SYT6: variants seen among roughly 807,000 people sequenced by gnomAD.
SYT6 encodes synaptotagmin-6.
Under a neutral mutation model 38.4 loss-of-function variants are expected in SYT6, and 24 were observed. The observed-to-expected ratio is 0.62, with a 90% CI of 0.45 to 0.88. The LOEUF is 0.88. SYT6 is among the 40% of genes least tolerant of loss of function. SYT6 has a pLI of 0.00. For missense variants in SYT6, 611 were observed against 621.0 expected, an observed-to-expected ratio of 0.98 and a Z score of 0.17; for synonymous variants, 265 against 241.9, an observed-to-expected ratio of 1.10 and a Z score of -0.89.
chr1:114,096,194 C>T (rs1675631348), intron 6 of SYT6, among the ~76,000 whole-genome samples: 1 of 152,100 alleles, frequency 6.6e-6, no homozygotes, highest in South Asian at 2.1e-4. Context: ...TGCAGGTTGT[C>T]TAGCGTTCTG....
intron 3 of SYT6, among the ~76,000 whole-genome samples, chr1:114,113,949 TC>T (rs570296485): frequency 1.3e-5 from 2 of 152,136 alleles, no homozygotes; most frequent in Non-Finnish European, 2.9e-5. Flanking sequence ...CTCTTCAGCC[TC>T]CCCCCGTGCC....
intron 3 of SYT6, among the ~76,000 whole-genome samples, chr1:114,105,939 G>A (rs1358400629): frequency 6.6e-6 from 1 of 152,170 alleles, no homozygotes; most frequent in Non-Finnish European, 1.5e-5. Flanking sequence ...TTTGTGGAGA[G>A]TATGCAGTCC....
chr1:114,153,863 C>T lies in SYT6; in HGVS notation c.-91G>A, dbSNP rs1020786220. 28 of 551,894 alleles carry T rather than the reference C, an allele frequency of 5.1e-5. No individual in the cohort carries two copies. Among genetic ancestry groups the T allele is most frequent in the Non-Finnish European group, 7.9e-5 (25 of 318,052 alleles). The allele number at this position is 551,894 out of a possible 1,614,324, so 34.2% of individuals were successfully genotyped here. Reference sequence around the variant, plus strand: ...CACGACGGCCCCAAGAAGACCCTCCCTGCAGCGGCCCCCTGCGGCTCCGCT... The same window carrying T: ...CACGACGGCCCCAAGAAGACCCTCCTTGCAGCGGCCCCCTGCGGCTCCGCT... On this transcript the variant is annotated 5_prime_UTR_variant, in exon 1 of 8. Transcript: ENST00000610222.
At chr1:114,101,938 C>T (rs1267511228) in intron 4 of SYT6, among the ~76,000 whole-genome samples, 1 of 152,186 alleles carries the variant, frequency 6.6e-6, no homozygotes, top group Non-Finnish European at 1.5e-5. Flanking sequence ...TCTTCGGAAT[C>T]AAGCCAAGGT....
chr1:114,092,083 C>G lies in SYT6; in HGVS notation c.*52-1G>C. 6.5e-7 allele frequency: 1 copy of G among 1,536,236 alleles called. No individual in the cohort carries two copies. Among genetic ancestry groups the G allele is most frequent in the Non-Finnish European group, 8.7e-7 (1 of 1,146,876 alleles). ...CGAAGCTAGCAGCTCGGCCCTGCCA[C>G]TGCAAAGAGGAGAACAATCTGTTTA... On this transcript the variant is annotated splice_acceptor_variant, in intron 7 of 7. Coordinates refer to ENST00000610222, the MANE Select transcript of SYT6 (RefSeq NM_001253772.2). LOFTEE classifies it low-confidence loss of function (3UTR_SPLICE).
At chr1:114,125,051 G>C (rs796418596) in intron 3 of SYT6, among the ~76,000 whole-genome samples, 1 of 152,206 alleles carries the variant, frequency 6.6e-6, no homozygotes, top group Non-Finnish European at 1.5e-5. Context: ...TGTCATCTGA[G>C]GCCTGTTTTT....
intron 1 of SYT6, among the ~76,000 whole-genome samples, chr1:114,149,688 G>A (rs1470369390): frequency 1.3e-5 from 2 of 151,994 alleles, no homozygotes; most frequent in Non-Finnish European, 2.9e-5. Context: ...AGGGGTCAGG[G>A]CATGTGGCCC....
In SYT6 at chr1:114,091,768, C is replaced by A; in HGVS notation, c.*366G>T. The A allele has an allele frequency of 5.7e-6, 2 of 349,692 alleles. No homozygotes were observed. The highest frequency in any genetic ancestry group is 5.1e-6 in the Non-Finnish European group (1 of 196,614). The allele number at this position is 349,692 out of a possible 1,614,324, so 21.7% of individuals were successfully genotyped here. A position where few individuals can be genotyped will look rare whatever the true frequency, so the allele number is the denominator to read the frequency against. The stretch of plus-strand genomic sequence containing the variant: ...CTCTTTTTTTTTTTCCCTTTTCTTA[C>A]CAGCAGACCCATAAAAAGTGAAAAA... On this transcript the variant is annotated 3_prime_UTR_variant, in exon 8 of 8. Coordinates refer to ENST00000610222, the MANE Select transcript of SYT6 (RefSeq NM_001253772.2).
chr1:114,095,053 C>T (rs963025965), intron 6 of SYT6, among the ~76,000 whole-genome samples: 2 of 152,204 alleles, frequency 1.3e-5, no homozygotes, highest in East Asian at 1.9e-4. Flanking sequence ...GTTGCTGAGA[C>T]GAGTGTCATT....
rs184017653 is a variant in SYT6, at chr1:114,095,319, A to T, written c.1516-1516T>A. Among the ~76,000 whole-genome samples the T allele has an allele frequency of 5.9e-5, 9 of 152,360 alleles. No individual in the cohort carries two copies. The East Asian group carries it at 1.7e-3, about 29-fold the overall frequency. On this transcript the variant is annotated intron_variant, in intron 6 of 7. Coordinates refer to ENST00000610222, the MANE Select transcript of SYT6 (RefSeq NM_001253772.2). Reference sequence around the variant, plus strand: ...AACCAGTGAGTTAGAGTTCTCAAAGAAACAGGGACTTGGAATCAATTATTT... The same window carrying T: ...AACCAGTGAGTTAGAGTTCTCAAAGTAACAGGGACTTGGAATCAATTATTT...
chr1:114,118,138 T>A (rs1477667661), intron 3 of SYT6, among the ~76,000 whole-genome samples: 1 of 152,132 alleles, frequency 6.6e-6, no homozygotes, highest in East Asian at 1.9e-4. Flanking sequence ...CCCAGAGATT[T>A]CCCAGGAAGT....
intron 3 of SYT6, among the ~76,000 whole-genome samples, chr1:114,135,212 C>T (rs144692192): frequency 6.6e-6 from 1 of 152,104 alleles, no homozygotes; most frequent in South Asian, 2.1e-4. Flanking sequence ...GAATGCTCCC[C>T]CTTCCTCTTG....
intron 2 of SYT6, 80 bp downstream of exon 2, chr1:114,139,535 C>G: frequency 4.5e-6 from 7 of 1,560,862 alleles, no homozygotes; most frequent in Non-Finnish European, 6.1e-6. Context: ...GTCTGTGATC[C>G]CCACAGGCTG....
rs536113310 is a variant in SYT6, at chr1:114,148,645, C to A, written c.163+4965G>T. Among the ~76,000 whole-genome samples, 10 of 152,210 alleles carry A rather than the reference C, an allele frequency of 6.6e-5. No homozygotes were observed. The East Asian group carries it at 1.7e-3, about 26-fold the overall frequency. ...GAAGAGAAGAGATTCTGGGCAGAAC[C>A]ACTCATAAAATACTAATAATATCAT... On this transcript the variant is annotated intron_variant, in intron 1 of 7. Transcript: ENST00000610222.
At chr1:114,131,980 C>G (rs528882852) in intron 3 of SYT6, among the ~76,000 whole-genome samples, 2 of 152,374 alleles carry the variant, frequency 1.3e-5, no homozygotes, top group South Asian at 4.1e-4. Flanking sequence ...AACAATGTAA[C>G]CATGCTTCCC....
At chr1:114,140,842 C>T (rs1369834633) in intron 1 of SYT6, among the ~76,000 whole-genome samples, 2 of 152,190 alleles carry the variant, frequency 1.3e-5, no homozygotes, top group Non-Finnish European at 2.9e-5. Flanking sequence ...TTTGTTAATT[C>T]TCACATTATT....
Position 114,095,573 on chromosome 1 carries a change from C to T in SYT6, c.1516-1770G>A, listed in dbSNP as rs193071180. Among the ~76,000 whole-genome samples, 218 of 152,290 alleles carry T rather than the reference C, an allele frequency of 1.4e-3. 2 individuals carry two copies. Among genetic ancestry groups the T allele is most frequent in the Admixed American group, 2.8e-3 (43 of 15,302 alleles). ...CACGGGCCCAGCCATTGCTTAGGGT[C>T]AGAGTTTCCTAGAAAAGCAAAGATG... On this transcript the variant is annotated intron_variant, in intron 6 of 7. Coordinates refer to ENST00000610222, the MANE Select transcript of SYT6 (RefSeq NM_001253772.2).
intron 2 of SYT6, among the ~76,000 whole-genome samples, chr1:114,139,406 G>A (rs17534892): frequency 0.19 from 28,884 of 151,950 alleles, 2,952 homozygotes; most frequent in Middle Eastern, 0.23. Flanking sequence ...ACAGCAACCC[G>A]CCTCAAAGGT....
rs527612422 is a variant in SYT6 at position 114,089,569 on chromosome 1, C to G, written c.*2565G>C. 1 of 152,322 alleles carries G rather than the reference C, an allele frequency of 6.6e-6. No homozygotes were observed. Among genetic ancestry groups the G allele is most frequent in the South Asian group, 2.1e-4 (1 of 4,818 alleles). The allele number at this position is 152,322 out of a possible 1,614,324, so 9.4% of individuals were successfully genotyped here. A position where few individuals can be genotyped will look rare whatever the true frequency, so the allele number is the denominator to read the frequency against. On this transcript the variant is annotated 3_prime_UTR_variant, in exon 8 of 8. Transcript: ENST00000610222. The stretch of plus-strand genomic sequence containing the variant: ...CACAGCAACAACCCGAGAGGTTTCT[C>G]CGGCCAGAGAAAGCCAACAAATGGA...
Sources: gnomAD v4.1 joint callset for allele counts (sites outside exome capture counted in the v4.1 genomes callset) on GRCh38, gnomAD v4.1.1 for gene constraint, MANE v1.5 for transcripts, NCBI Gene and HGNC (gene_info 2026-07-23, HGNC 2026-07-21) for gene names.